The following VPS54 variants were observed in gnomAD, a reference collection of about 807,000 sequenced individuals.
The protein encoded by VPS54 is VPS54 subunit of GARP complex.
In VPS54, 45 loss-of-function variants were observed where a neutral mutation model predicts 121.5. That is an observed-to-expected ratio of 0.37 (90% CI 0.29 to 0.47). The LOEUF (loss-of-function observed/expected upper bound fraction) is 0.47. VPS54 is among the 20% of genes least tolerant of loss of function. The probability of loss-of-function intolerance (pLI) is 0.99; values close to 1 mark genes in which losing one functional copy is unlikely to be tolerated. For synonymous variants in VPS54, 371 were observed against 385.8 expected, an observed-to-expected ratio of 0.96 and a Z score of 0.45; for missense variants, 1,090 against 1,131.4, an observed-to-expected ratio of 0.96 and a Z score of 0.52.
chr2:63,943,583 C>A (rs541112965), intron 10 of VPS54, among the ~76,000 whole-genome samples: 1 of 152,290 alleles, frequency 6.6e-6, no homozygotes, highest in South Asian at 2.1e-4. Context: ...GAAAGTTTCA[C>A]AGTCGTACAT....
chr2:63,948,865 T>C (rs1675111281), intron 8 of VPS54, among the ~76,000 whole-genome samples, 172 bp downstream of exon 8: 1 of 152,170 alleles, frequency 6.6e-6, no homozygotes, highest in Admixed American at 6.5e-5. Flanking sequence ...TTCCATAGGA[T>C]AGTGAACAAT....
At chr2:63,952,830 G>C (rs1406768607) in intron 7 of VPS54, among the ~76,000 whole-genome samples, 1 of 152,084 alleles carries the variant, frequency 6.6e-6, no homozygotes, top group Non-Finnish European at 1.5e-5. Flanking sequence ...GAGGAATTTT[G>C]ACCTAGGAAT....
intron 6 of VPS54, among the ~76,000 whole-genome samples, chr2:63,965,094 T>C (rs66650505): frequency 0.18 from 27,051 of 152,228 alleles, 3,186 homozygotes; most frequent in Non-Finnish European, 0.24. Flanking sequence ...AAGATATTTT[T>C]GTTTCAAAAT....
chr2:63,962,168 C>A lies in VPS54; in HGVS notation c.900G>T (p.Gln300His). ...TAGATAATAACACCTGTACTGTAGG[C>A]TGAGTCTGGTGTACAGTGGCCATTA... ...LKLMATVHQT[Q>H]PTVQVLLSTS... Residue 300 changes from glutamine (Q) to histidine (H), a missense_variant, in exon 7 of 23, where the codon CAG (glutamine) becomes CAT (histidine). By Grantham distance (24) the Gln-to-His change is conservative. Coordinates refer to ENST00000272322, the MANE Select transcript of VPS54 (RefSeq NM_016516.3). 1 of 1,613,908 alleles carries A rather than the reference C, an allele frequency of 6.2e-7. No homozygotes were observed. Among genetic ancestry groups the A allele is most frequent in the Non-Finnish European group, 8.5e-7 (1 of 1,179,818 alleles).
At chr2:63,977,215 G>C (rs1676584072) in intron 3 of VPS54, among the ~76,000 whole-genome samples, 1 of 152,062 alleles carries the variant, frequency 6.6e-6, no homozygotes, top group Admixed American at 6.5e-5. Context: ...TTTCTCTACT[G>C]ATTTGCTATT....
chr2:63,898,790 A>C lies in VPS54; in HGVS notation c.2733+684T>G, dbSNP rs559559577. ...GAGGAAATAAGCTGAGATTAAAAAA[A>C]AAAACAAAACTGGTAAAAAAGGGAA... On this transcript the variant is annotated intron_variant, in intron 21 of 22. Coordinates refer to ENST00000272322, the MANE Select transcript of VPS54 (RefSeq NM_016516.3). Among the ~76,000 whole-genome samples the C allele has an allele frequency of 5.9e-5, 9 of 152,314 alleles. No homozygotes were observed. In the East Asian group the frequency reaches 9.6e-4, roughly 16 times the overall value.
At chr2:63,952,815 T>C (rs1289486162) in intron 7 of VPS54, among the ~76,000 whole-genome samples, 1 of 152,138 alleles carries the variant, frequency 6.6e-6, no homozygotes, top group African/African-American at 2.4e-5. Flanking sequence ...TCTAGCAAAA[T>C]CACAGAGGAA....
chr2:63,976,358 A>AC (rs1676528553), intron 3 of VPS54, among the ~76,000 whole-genome samples: 1 of 151,588 alleles, frequency 6.6e-6, no homozygotes, highest in African/African-American at 2.4e-5. Flanking sequence ...CTCAAAAAAA[A>AC]AAAAAACAAA....
chr2:63,926,218 T>A (rs1673894634), intron 12 of VPS54, among the ~76,000 whole-genome samples: 1 of 152,248 alleles, frequency 6.6e-6, no homozygotes, highest in Non-Finnish European at 1.5e-5. Flanking sequence ...ATGGTAGAAC[T>A]GTCTTCTCAG....
At chr2:63,962,472 G>A in intron 6 of VPS54, 29 bp from the exon 7 acceptor site, 1 of 1,575,172 alleles carries the variant, frequency 6.3e-7, no homozygotes, top group South Asian at 1.2e-5. Flanking sequence ...AAAATATGAA[G>A]TACTATGAGC....
At chr2:63,948,728 T>C (rs1405523242) in intron 8 of VPS54, among the ~76,000 whole-genome samples, 1 of 152,104 alleles carries the variant, frequency 6.6e-6, no homozygotes, top group Admixed American at 6.6e-5. Context: ...AAAGACAAGC[T>C]CCAGCACTCG....
rs559964906 is a variant in VPS54 at position 63,945,183 on chromosome 2, G to A, written c.1246-528C>T. 3.3e-5 allele frequency among the ~76,000 whole-genome samples: 5 copies of A among 152,168 alleles called. No individual in the cohort carries two copies. In the East Asian group the frequency reaches 7.7e-4, roughly 23 times the overall value. On this transcript the variant is annotated intron_variant, in intron 9 of 22. Coordinates refer to ENST00000272322, the MANE Select transcript of VPS54 (RefSeq NM_016516.3). The stretch of plus-strand genomic sequence containing the variant: ...ACTGGATAAAGAAAATGTGGTACAC[G>A]TACACCATGGAATACTATGCAGCCA...
chr2:63,901,882 G>A (rs1348421476), intron 20 of VPS54, among the ~76,000 whole-genome samples: 1 of 152,154 alleles, frequency 6.6e-6, no homozygotes, highest in Non-Finnish European at 1.5e-5. Flanking sequence ...GGGCATGGTG[G>A]TGCATGCCTG....
At chr2:63,924,993 A>G (rs539376083) in intron 12 of VPS54, among the ~76,000 whole-genome samples, 38 of 152,236 alleles carry the variant, frequency 2.5e-4, no homozygotes, top group Non-Finnish European at 5.1e-4. Flanking sequence ...TCAAGTCTTT[A>G]AGGTAGAGAA....
chr2:64,007,140 C>T (rs546924886), intron 1 of VPS54, among the ~76,000 whole-genome samples: 1 of 152,254 alleles, frequency 6.6e-6, no homozygotes, highest in East Asian at 1.9e-4. Context: ...AACTTACTTT[C>T]AGAAAAGTCA....
At chr2:63,923,566 A>G (rs1673749398) in intron 12 of VPS54, among the ~76,000 whole-genome samples, 2 of 152,190 alleles carry the variant, frequency 1.3e-5, no homozygotes, top group Non-Finnish European at 2.9e-5. Context: ...ATATATACAT[A>G]TACATCTTGT....
At chr2:63,972,526 T>C (rs1676335307) in intron 3 of VPS54, among the ~76,000 whole-genome samples, 1 of 152,110 alleles carries the variant, frequency 6.6e-6, no homozygotes, top group African/African-American at 2.4e-5. Context: ...TGGAAAATAT[T>C]TATGTATGAA....
chr2:64,004,615 A>C (rs150676375), intron 1 of VPS54, among the ~76,000 whole-genome samples: 2 of 152,218 alleles, frequency 1.3e-5, no homozygotes, highest in African/African-American at 4.8e-5. Flanking sequence ...TCCAATCTCT[A>C]GATCAGGAGT....
chr2:63,988,716 C>T (rs1181680016), intron 1 of VPS54, among the ~76,000 whole-genome samples: 1 of 152,006 alleles, frequency 6.6e-6, no homozygotes, highest in Admixed American at 6.6e-5. Flanking sequence ...GGATGTATGT[C>T]ACCTCGGGAC....
Sources: gnomAD v4.1 joint callset for allele counts (sites outside exome capture counted in the v4.1 genomes callset) on GRCh38, gnomAD v4.1.1 for gene constraint, MANE v1.5 for transcripts, NCBI Gene and HGNC (gene_info 2026-07-23, HGNC 2026-07-21) for gene names.